The following ARID1B variants were observed in gnomAD, a reference collection of about 807,000 sequenced individuals.
ARID1B encodes the protein AT-rich interaction domain 1B.
In ARID1B, 30 loss-of-function variants were observed where a neutral mutation model predicts 212.3. That is an observed-to-expected ratio of 0.14 (90% confidence interval 0.11 to 0.19). ARID1B has a LOEUF of 0.19. Among genes scored for constraint, ARID1B ranks in the 10% least tolerant of loss-of-function variants. The probability of loss-of-function intolerance (pLI) is 1.00; values close to 1 mark genes in which losing one functional copy is unlikely to be tolerated. For missense variants in ARID1B, 2,891 were observed against 3,204.0 expected, an observed-to-expected ratio of 0.90 and a Z score of 2.36; for synonymous variants, 1,402 against 1,301.7, an observed-to-expected ratio of 1.08 and a Z score of -1.66.
In ARID1B at chr6:157,064,732, C is replaced by A. The variant is rs142273009; in HGVS notation, c.2248-19930C>A. Among the ~76,000 whole-genome samples the A allele has an allele frequency of 3.1e-3, 477 of 152,282 alleles. 1 individual carries two copies. The highest frequency in any genetic ancestry group is 0.011 in the African/African-American group (450 of 41,564). ...GTGGATTACACTTTAGAGCTTCGGC[C>A]CTGGTGGATCCAGCTTCTAACCCCA... is the stretch of plus-strand genomic sequence containing the variant. On this transcript the variant is annotated intron_variant, in intron 4 of 19. Coordinates refer to ENST00000636930, the MANE Select transcript of ARID1B (RefSeq NM_001374828.1).
intron 6 of ARID1B, among the ~76,000 whole-genome samples, chr6:157,126,824 A>G (rs574020436): frequency 1.3e-5 from 2 of 152,222 alleles, no homozygotes; most frequent in African/African-American, 2.4e-5. Flanking sequence ...TAAATTCAGA[A>G]AGCGTGGTAC....
intron 1 of ARID1B, among the ~76,000 whole-genome samples, chr6:156,828,062 C>CT (rs538099082): frequency 0.4 from 48,991 of 123,728 alleles, 10,166 homozygotes; most frequent in African/African-American, 0.47. Flanking sequence ...TGCCCGGCCT[C>CT]TTTTTTTTTT....
chr6:156,864,144 T>G (rs938545288), intron 2 of ARID1B, among the ~76,000 whole-genome samples: 1 of 152,206 alleles, frequency 6.6e-6, no homozygotes. Flanking sequence ...TATATTTTCT[T>G]AAAACTAATC....
intron 4 of ARID1B, chr6:156,939,011 A>G (rs1022487398): frequency 1.3e-5 from 2 of 152,246 alleles, no homozygotes; most frequent in Admixed American, 6.5e-5. Flanking sequence ...CTTTTTGCTT[A>G]GTGGACTCAG....
intron 4 of ARID1B, among the ~76,000 whole-genome samples, chr6:157,027,251 T>TAA (rs200466430): frequency 0.019 from 2,932 of 152,332 alleles, 78 homozygotes; most frequent in African/African-American, 0.067. Flanking sequence ...AGGTAAAAGA[T>TAA]AAAACTCTGT....
chr6:157,075,635 C>G (rs1011837017), intron 4 of ARID1B, among the ~76,000 whole-genome samples: 2 of 152,216 alleles, frequency 1.3e-5, no homozygotes, highest in Non-Finnish European at 2.9e-5. Flanking sequence ...GTTGACACCA[C>G]CTTAACCAAG....
Position 157,159,391 on chromosome 6 carries a change from A to G in ARID1B, c.3090-7649A>G, listed in dbSNP as rs375925569. Reference sequence around the variant, plus strand: ...TCTCGCCTCAGAACCCCTGAGCTCTATTTGTTCTCCTGGTTGCTTTGAGAG... The same window carrying G: ...TCTCGCCTCAGAACCCCTGAGCTCTGTTTGTTCTCCTGGTTGCTTTGAGAG... On this transcript the variant is annotated intron_variant, in intron 8 of 19. Coordinates refer to ENST00000636930, the MANE Select transcript of ARID1B (RefSeq NM_001374828.1). Among the ~76,000 whole-genome samples, 23 of 152,272 alleles carry G rather than the reference A, an allele frequency of 1.5e-4. No homozygotes were observed. In the East Asian group the frequency reaches 2.7e-3, roughly 18 times the overall value.
At chr6:156,893,693 T>G (rs1385038553) in intron 2 of ARID1B, among the ~76,000 whole-genome samples, 1 of 152,168 alleles carries the variant, frequency 6.6e-6, no homozygotes, top group Non-Finnish European at 1.5e-5. Context: ...ACAGCACTGA[T>G]CATTAGAGAA....
chr6:156,978,137 G>A (rs546063201), intron 4 of ARID1B, among the ~76,000 whole-genome samples: 27 of 152,280 alleles, frequency 1.8e-4, no homozygotes, highest in African/African-American at 6.3e-4. Flanking sequence ...GTTCTTGTTG[G>A]GTGGCTTTCC....
intron 4 of ARID1B, among the ~76,000 whole-genome samples, chr6:157,075,299 A>G (rs1784233713): frequency 6.6e-6 from 1 of 152,228 alleles, no homozygotes; most frequent in South Asian, 2.1e-4. Flanking sequence ...AATAGTCTCC[A>G]TAAAACATTT....
In ARID1B at chr6:156,829,217, G is replaced by C. The variant is rs986689235; in HGVS notation, c.1792-10G>C. ...GAATTAATAAACCGACTTCTTTTAT[G>C]TCTTCACAGGGCAGCCCAATGGATC... On this transcript the variant is annotated splice_polypyrimidine_tract_variant and intron_variant, in intron 1 of 19. Coordinates refer to ENST00000636930, the MANE Select transcript of ARID1B (RefSeq NM_001374828.1). 1 of 1,592,006 alleles carries C rather than the reference G, an allele frequency of 6.3e-7. No homozygotes were observed. The highest frequency in any genetic ancestry group is 8.6e-7 in the Non-Finnish European group (1 of 1,167,056).
At chr6:156,834,505 T>G (rs1417185200) in intron 2 of ARID1B, among the ~76,000 whole-genome samples, 1 of 152,256 alleles carries the variant, frequency 6.6e-6, no homozygotes, top group Non-Finnish European at 1.5e-5. Flanking sequence ...AATGGCATTC[T>G]TGTGTAATGA....
intron 2 of ARID1B, among the ~76,000 whole-genome samples, chr6:156,892,906 A>G (rs1788050773): frequency 6.6e-6 from 1 of 152,194 alleles, no homozygotes; most frequent in African/African-American, 2.4e-5. Context: ...ATAGAATAAA[A>G]ACAATAAGTC....
intron 3 of ARID1B, among the ~76,000 whole-genome samples, chr6:156,923,469 C>T (rs1475399568): frequency 2.0e-5 from 3 of 152,130 alleles, no homozygotes; most frequent in Non-Finnish European, 4.4e-5. Context: ...CCCATCCCTT[C>T]TCCACCACTT....
intron 6 of ARID1B, chr6:157,111,137 GA>G: frequency 6.5e-6 from 1 of 153,182 alleles, no homozygotes; most frequent in Non-Finnish European, 1.5e-5. Context: ...GCCAGTCCCA[GA>G]AAAAAAGAAT....
intron 4 of ARID1B, among the ~76,000 whole-genome samples, chr6:156,960,909 CT>C (rs1794329553): frequency 1.3e-5 from 2 of 152,138 alleles, no homozygotes; most frequent in South Asian, 4.1e-4. Context: ...GTGTTTTCCT[CT>C]CTAGTTAAGG....
At chr6:156,893,051 T>TGG (rs201418007) in intron 2 of ARID1B, among the ~76,000 whole-genome samples, 2 of 138,396 alleles carry the variant, frequency 1.4e-5, no homozygotes, top group African/African-American at 5.7e-5. Context: ...CTTCCTTTTT[T>TGG]TTTTTTTTTG....
chr6:156,980,474 C>G (rs1432217479), intron 4 of ARID1B, among the ~76,000 whole-genome samples: 1 of 140,534 alleles, frequency 7.1e-6, no homozygotes, highest in Non-Finnish European at 1.6e-5. Context: ...CAAGAGCCAA[C>G]CTACATCTCA....
chr6:156,794,462 GCTGGTCTCTTTACATT>G (rs1780215584), intron 1 of ARID1B, among the ~76,000 whole-genome samples: 1 of 151,928 alleles, frequency 6.6e-6, no homozygotes, highest in Admixed American at 6.6e-5. Flanking sequence ...TGTTGCCCAG[GCTGGTCTCTTTACATT>G]CTGGGCGGCT....
Sources: allele counts gnomAD v4.1 joint callset (sites outside exome capture counted in the v4.1 genomes callset), GRCh38; gene constraint gnomAD v4.1.1; transcripts MANE v1.5; gene names NCBI Gene and HGNC (gene_info 2026-07-23, HGNC 2026-07-21).